Variants in P2RY1 observed in about 807,000 individuals in gnomAD.
The protein encoded by P2RY1 is P2Y purinoceptor 1.
P2RY1 carries 14 observed loss-of-function variants against 22.8 expected under a neutral mutation model. The ratio of observed to expected loss-of-function variants is 0.61; its 90% CI spans 0.41 to 0.96. The LOEUF is 0.96. Among genes scored for constraint, P2RY1 ranks in the 40% least tolerant of loss-of-function variants. The pLI, the probability that P2RY1 is intolerant of heterozygous loss-of-function variation, is 0.00. For missense variants in P2RY1, 395 were observed against 470.3 expected, an observed-to-expected ratio of 0.84 and a Z score of 1.48; for synonymous variants, 200 against 195.1, an observed-to-expected ratio of 1.03 and a Z score of -0.21.
Position 152,835,659 on chromosome 3 carries a change from G to C in P2RY1, c.-124G>C. On this transcript the variant is annotated 5_prime_UTR_variant, in exon 1 of 1. Transcript: ENST00000305097. ...AGCCCCTGCGCGCCCCCTCCCGCGG[G>C]GATCCAGTTCGCCTGCTCCCTTCCG... The C allele has an allele frequency of 2.1e-6, 2 of 955,822 alleles. No individual in the cohort carries two copies. The highest frequency in any genetic ancestry group is 3.0e-6 in the Non-Finnish European group (2 of 663,994). 59.2% of individuals were successfully genotyped at this position (955,822 alleles called of 1,614,324 possible). A position where few individuals can be genotyped will look rare whatever the true frequency, so the allele number is the denominator to read the frequency against.
At position 152,838,171 on chromosome 3, in the gene P2RY1, A is replaced by C. The variant is rs1716218350; in HGVS notation, c.*1267A>C. 6.5e-6 allele frequency: 1 copy of C among 152,724 alleles called. No individual in the cohort carries two copies. The highest frequency in any genetic ancestry group is 2.4e-5 in the African/African-American group (1 of 41,448). The allele number at this position is 152,724 out of a possible 1,614,324, so 9.5% of individuals were successfully genotyped here. A position where few individuals can be genotyped will look rare whatever the true frequency, so the allele number is the denominator to read the frequency against. On this transcript the variant is annotated 3_prime_UTR_variant, in exon 1 of 1. Transcript: ENST00000305097. ...CATATATATGGAGGGAAATATAGAG[A>C]ATTAAAGTACCTAGATGCCATAGCA...
rs1345106599 is a variant in P2RY1 at position 152,840,849 on chromosome 3, A to G, written c.*3945A>G. 1 of 152,116 alleles carries G rather than the reference A, an allele frequency of 6.6e-6. No individual in the cohort carries two copies. The highest frequency in any genetic ancestry group is 6.5e-5 in the Admixed American group (1 of 15,272). The allele number at this position is 152,116 out of a possible 1,614,324, so 9.4% of individuals were successfully genotyped here. A position where few individuals can be genotyped will look rare whatever the true frequency, so the allele number is the denominator to read the frequency against. On this transcript the variant is annotated 3_prime_UTR_variant, in exon 1 of 1. Coordinates refer to ENST00000305097, the MANE Select transcript of P2RY1 (RefSeq NM_002563.5). The stretch of plus-strand genomic sequence containing the variant: ...TGATAACTTAAATTCCAAGTTTCAT[A>G]GTGATAATTGTATATTATTTGGCTG...
chr3:152,838,074 A>T lies in P2RY1; in HGVS notation c.*1170A>T, dbSNP rs1000917673. ...TATGAAAAGAAGAAATAGAATTTGT[A>T]TAGGTTGCATTGATAGAATGGGAAG... On this transcript the variant is annotated 3_prime_UTR_variant, in exon 1 of 1. Transcript: ENST00000305097. 6.0e-6 allele frequency: 1 copy of T among 165,614 alleles called. No homozygotes were observed. The highest frequency in any genetic ancestry group is 1.5e-5 in the Non-Finnish European group (1 of 68,112). The allele number at this position is 165,614 out of a possible 1,614,324, so 10.3% of individuals were successfully genotyped here. A position where few individuals can be genotyped will look rare whatever the true frequency, so the allele number is the denominator to read the frequency against.
Position 152,836,789 on chromosome 3 carries a change from C to T in P2RY1, c.1007C>T (p.Ser336Phe), listed in dbSNP as rs183833270. ...GGAGATACTTTCAGAAGGAGACTCT[C>T]CCGAGCCACAAGGAAAGCTTCTAGA... Reference protein sequence around the residue: ...LAGDTFRRRLSRATRKASRRS... With the variant: ...LAGDTFRRRLFRATRKASRRS... Residue 336 changes from serine to phenylalanine, a missense_variant, in exon 1 of 1, where the codon TCC (serine) becomes TTC (phenylalanine). By Grantham distance (155) the Ser-to-Phe change is radical. This residue lies in a region of P2RY1 where 291 missense variants were observed against 361.6 expected (regional missense o/e 0.80). Coordinates refer to ENST00000305097, the MANE Select transcript of P2RY1 (RefSeq NM_002563.5). This position sits in a 1 kb window ranked among gnomAD's most constrained non-coding sequence, Gnocchi z 5.6. 1 of 1,614,040 alleles carries T rather than the reference C, an allele frequency of 6.2e-7. No homozygotes were observed. Among genetic ancestry groups the T allele is most frequent in the Admixed American group, 1.7e-5 (1 of 60,028 alleles).
Position 152,835,812 on chromosome 3 carries a change from C to G in P2RY1, c.30C>G (p.Pro10=). 3.1e-6 allele frequency: 5 copies of G among 1,609,848 alleles called. No individual in the cohort carries two copies. The highest frequency in any genetic ancestry group is 4.2e-6 in the Non-Finnish European group (5 of 1,179,378). The change falls in exon 1 of 1, where the codon CCC becomes CCG. Residue 10 remains proline, a synonymous_variant. Coordinates refer to ENST00000305097, the MANE Select transcript of P2RY1 (RefSeq NM_002563.5). The stretch of plus-strand genomic sequence containing the variant: ...CCGAGGTGCTGTGGCCGGCTGTCCC[C>G]AACGGGACGGACGCTGCCTTCCTGG... MTEVLWPAV[P]NGTDAAFLAG...
rs73020228 is a variant in P2RY1 at position 152,838,168 on chromosome 3, G to C, written c.*1264G>C. ...AAACATATATATGGAGGGAAATATAGAGAATTAAAGTACCTAGATGCCATA... is the reference window on the plus strand; with the variant it reads ...AAACATATATATGGAGGGAAATATACAGAATTAAAGTACCTAGATGCCATA... On this transcript the variant is annotated 3_prime_UTR_variant, in exon 1 of 1. Coordinates refer to ENST00000305097, the MANE Select transcript of P2RY1 (RefSeq NM_002563.5). 591 of 152,862 alleles carry C rather than the reference G, an allele frequency of 3.9e-3. 2 individuals are homozygous for C. The highest frequency in any genetic ancestry group is 0.014 in the African/African-American group (572 of 41,526). The allele number at this position is 152,862 out of a possible 1,614,324, so 9.5% of individuals were successfully genotyped here.
Position 152,835,673 on chromosome 3 carries a change from T to G in P2RY1, c.-110T>G. The G allele has an allele frequency of 2.7e-6, 3 of 1,107,484 alleles. No homozygotes were observed. The East Asian group carries it at 7.7e-5, about 28-fold the overall frequency. 68.6% of individuals were successfully genotyped at this position (1,107,484 alleles called of 1,614,324 possible). The stretch of plus-strand genomic sequence containing the variant: ...CCCTCCCGCGGGGATCCAGTTCGCC[T>G]GCTCCCTTCCGCTCGCTGGCTTTTC... On this transcript the variant is annotated 5_prime_UTR_variant, in exon 1 of 1. Transcript: ENST00000305097.
Position 152,840,670 on chromosome 3 carries a change from G to C in P2RY1, c.*3766G>C, listed in dbSNP as rs1391007033. ...GAGAAAAAGGCAGCTGGTATAATCGGTTACTGCTGCTTAGTTCTACTTAAT... is the reference window on the plus strand; with the variant it reads ...GAGAAAAAGGCAGCTGGTATAATCGCTTACTGCTGCTTAGTTCTACTTAAT... On this transcript the variant is annotated 3_prime_UTR_variant, in exon 1 of 1. Transcript: ENST00000305097. 2 of 152,152 alleles carry C rather than the reference G, an allele frequency of 1.3e-5. No homozygotes were observed. Among genetic ancestry groups the C allele is most frequent in the Non-Finnish European group, 2.9e-5 (2 of 68,014 alleles). The allele number at this position is 152,152 out of a possible 1,614,324, so 9.4% of individuals were successfully genotyped here. A position where few individuals can be genotyped will look rare whatever the true frequency, so the allele number is the denominator to read the frequency against.
At position 152,840,138 on chromosome 3, in the gene P2RY1, A is replaced by C. The variant is rs962494760; in HGVS notation, c.*3234A>C. 3 of 152,210 alleles carry C rather than the reference A, an allele frequency of 2.0e-5. No homozygotes were observed. The highest frequency in any genetic ancestry group is 2.9e-5 in the Non-Finnish European group (2 of 68,034). 9.4% of individuals were successfully genotyped at this position (152,210 alleles called of 1,614,324 possible). A position where few individuals can be genotyped will look rare whatever the true frequency, so the allele number is the denominator to read the frequency against. Reference sequence around the variant, plus strand: ...ACTAATGTAAATTATATTTATTACAATGTATGATATTAATGTGTCAAACTG... The same window carrying C: ...ACTAATGTAAATTATATTTATTACACTGTATGATATTAATGTGTCAAACTG... On this transcript the variant is annotated 3_prime_UTR_variant, in exon 1 of 1. Transcript: ENST00000305097.
chr3:152,835,847 G>A lies in P2RY1; in HGVS notation c.65G>A (p.Gly22Asp), dbSNP rs780725124. Reference sequence around the variant, plus strand: ...GACGCTGCCTTCCTGGCCGGTCCGGGTTCGTCCTGGGGGAACAGCACGGTC... The same window carrying A: ...GACGCTGCCTTCCTGGCCGGTCCGGATTCGTCCTGGGGGAACAGCACGGTC... ...GTDAAFLAGP[G>D]SSWGNSTVAS... The change falls in exon 1 of 1, where the codon GGT becomes GAT. Residue 22 changes from glycine (G) to aspartate (D), a missense_variant. Around this residue, in one of 3 missense-constraint regions of P2RY1, gnomAD observed 98 missense variants for 87.7 expected, o/e 1.12. Coordinates refer to ENST00000305097, the MANE Select transcript of P2RY1 (RefSeq NM_002563.5). The A allele has an allele frequency of 7.4e-6, 12 of 1,613,012 alleles. No individual in the cohort carries two copies. In the East Asian group the frequency reaches 1.6e-4, roughly 21 times the overall value.
At position 152,835,732 on chromosome 3, in the gene P2RY1, T is replaced by C; in HGVS notation, c.-51T>C. The C allele has an allele frequency of 6.6e-7, 1 of 1,506,244 alleles. No homozygotes were observed. Among genetic ancestry groups the C allele is most frequent in the South Asian group, 1.3e-5 (1 of 76,786 alleles). 93.3% of individuals were successfully genotyped at this position (1,506,244 alleles called of 1,614,324 possible). A position where few individuals can be genotyped will look rare whatever the true frequency, so the allele number is the denominator to read the frequency against. On this transcript the variant is annotated 5_prime_UTR_variant, in exon 1 of 1. Transcript: ENST00000305097. ...GCTGCGCCCCTGGCCGCCGCTGCCC[T>C]CTCGCCGCCTCCTACCCCTCGGAGC...
rs551573250 is a variant in P2RY1, at chr3:152,838,184, A to G, written c.*1280A>G. 6.6e-6 allele frequency: 1 copy of G among 152,578 alleles called. No homozygotes were observed. Among genetic ancestry groups the G allele is most frequent in the South Asian group, 2.1e-4 (1 of 4,830 alleles). 9.5% of individuals were successfully genotyped at this position (152,578 alleles called of 1,614,324 possible). A position where few individuals can be genotyped will look rare whatever the true frequency, so the allele number is the denominator to read the frequency against. On this transcript the variant is annotated 3_prime_UTR_variant, in exon 1 of 1. Transcript: ENST00000305097. ...GGAAATATAGAGAATTAAAGTACCT[A>G]GATGCCATAGCACTGAAAAGTAAAG...
In P2RY1 at chr3:152,837,069, C is replaced by T; in HGVS notation, c.*165C>T. 1 of 618,514 alleles carries T rather than the reference C, an allele frequency of 1.6e-6. No individual in the cohort carries two copies. The highest frequency in any genetic ancestry group is 2.9e-6 in the Non-Finnish European group (1 of 349,368). The allele number at this position is 618,514 out of a possible 1,614,324, so 38.3% of individuals were successfully genotyped here. Reference sequence around the variant, plus strand: ...TAGAAATGCCCACATCCACACTTAGCTTGTTTGGGTTTGCTTTCACAGTCT... The same window carrying T: ...TAGAAATGCCCACATCCACACTTAGTTTGTTTGGGTTTGCTTTCACAGTCT... On this transcript the variant is annotated 3_prime_UTR_variant, in exon 1 of 1. Transcript: ENST00000305097.
rs1383833746 is a variant in P2RY1 at position 152,839,832 on chromosome 3, AAAT to A, written c.*2929_*2931del. On this transcript the variant is annotated 3_prime_UTR_variant, in exon 1 of 1. Coordinates refer to ENST00000305097, the MANE Select transcript of P2RY1 (RefSeq NM_002563.5). Reference sequence around the variant, plus strand: ...ACTTCATTCCACTCCTTGGCTAAAAAAATCTTGGAAGTTTCACAGATTATGATG... The same window carrying A: ...ACTTCATTCCACTCCTTGGCTAAAAACTTGGAAGTTTCACAGATTATGATG... 1.3e-5 allele frequency: 2 copies of A among 152,156 alleles called. No homozygotes were observed. Among genetic ancestry groups the A allele is most frequent in the African/African-American group, 4.8e-5 (2 of 41,440 alleles). 9.4% of individuals were successfully genotyped at this position (152,156 alleles called of 1,614,324 possible).
In P2RY1 at chr3:152,839,742, G is replaced by GA. The variant is rs1469622248; in HGVS notation, c.*2839dup. The stretch of plus-strand genomic sequence containing the variant: ...GACATCCATTGTTGGGGCCTTGGGG[G>GA]ATATGGTAAAGCATGAAAACTAAAC... On this transcript the variant is annotated 3_prime_UTR_variant, in exon 1 of 1. Transcript: ENST00000305097. 1 of 152,168 alleles carries GA rather than the reference G, an allele frequency of 6.6e-6. No individual in the cohort carries two copies. The highest frequency in any genetic ancestry group is 2.4e-5 in the African/African-American group (1 of 41,440). The allele number at this position is 152,168 out of a possible 1,614,324, so 9.4% of individuals were successfully genotyped here.
Position 152,840,809 on chromosome 3 carries a change from T to G in P2RY1, c.*3905T>G, listed in dbSNP as rs1716278452. The stretch of plus-strand genomic sequence containing the variant: ...AACACTGCTATTGATTTTAATCTGT[T>G]TTTTTTTGTTTAGTTGATAACTTAA... On this transcript the variant is annotated 3_prime_UTR_variant, in exon 1 of 1. Coordinates refer to ENST00000305097, the MANE Select transcript of P2RY1 (RefSeq NM_002563.5). 6.6e-6 allele frequency: 1 copy of G among 152,042 alleles called. No individual in the cohort carries two copies. The highest frequency in any genetic ancestry group is 6.6e-5 in the Admixed American group (1 of 15,244). The allele number at this position is 152,042 out of a possible 1,614,324, so 9.4% of individuals were successfully genotyped here.
Position 152,839,778 on chromosome 3 carries a change from CT to C in P2RY1, c.*2875del, listed in dbSNP as rs1448605942. 6.6e-6 allele frequency: 1 copy of C among 152,140 alleles called. No homozygotes were observed. The highest frequency in any genetic ancestry group is 1.5e-5 in the Non-Finnish European group (1 of 68,034). The allele number at this position is 152,140 out of a possible 1,614,324, so 9.4% of individuals were successfully genotyped here. ...GCATGAAAACTAAACAGCCAGGAGCCTGTGAAATCTGCTACTGTATTTTCCA... is the reference window on the plus strand; with the variant it reads ...GCATGAAAACTAAACAGCCAGGAGCCGTGAAATCTGCTACTGTATTTTCCA... On this transcript the variant is annotated 3_prime_UTR_variant, in exon 1 of 1. Transcript: ENST00000305097.
rs1716146027 is a variant in P2RY1, at chr3:152,835,979, TC to T, written c.199del (p.Leu67TrpfsTer14). The T allele has an allele frequency of 1.2e-6, 2 of 1,614,094 alleles. No homozygotes were observed. Among genetic ancestry groups the T allele is most frequent in the Non-Finnish European group, 1.7e-6 (2 of 1,180,034 alleles). ...AVYILVFIIG[F>X]LGNSVAIWMF... is the part of the protein sequence containing the mutation. ...TACATCTTGGTATTCATCATCGGCT[TC>T]CTGGGCAACAGCGTGGCCATCTGGA... On this transcript the variant is annotated frameshift_variant, in exon 1 of 1. Transcript: ENST00000305097. LOFTEE classifies it high-confidence loss of function.
rs1251236390 is a variant in P2RY1 at position 152,835,150 on chromosome 3, C to T, written c.-633C>T. 6.6e-6 allele frequency: 1 copy of T among 152,620 alleles called. No homozygotes were observed. The highest frequency in any genetic ancestry group is 1.5e-5 in the Non-Finnish European group (1 of 68,374). The allele number at this position is 152,620 out of a possible 1,614,324, so 9.5% of individuals were successfully genotyped here. ...CCCGGCACTCCGGACAGAGCTGGGC[C>T]TGGGGAAGGGGTTCCTGAACTACGC... On this transcript the variant is annotated 5_prime_UTR_variant, in exon 1 of 1. Transcript: ENST00000305097.
Sources: gnomAD v4.1 joint callset for allele counts on GRCh38, gnomAD v4.1.1 for gene constraint, gnomAD v4.1.1 regional missense constraint, Gnocchi (gnomAD v3.1) non-coding constraint, MANE v1.5 for transcripts, NCBI Gene and HGNC (gene_info 2026-07-23, HGNC 2026-07-21) for gene names.